Variants in DMXL2 observed in about 807,000 individuals in gnomAD.
DMXL2 encodes dmX-like protein 2.
In DMXL2, 103 loss-of-function variants were observed where a neutral mutation model predicts 331.1. The ratio of observed to expected loss-of-function variants is 0.31; its 90% CI spans 0.27 to 0.37. The LOEUF (loss-of-function observed/expected upper bound fraction) is 0.37, where lower values mean the gene tolerates loss of function less well. DMXL2 is among the 10% of genes least tolerant of loss of function. DMXL2 has a pLI of 1.00. For synonymous variants in DMXL2, 1,281 were observed against 1,252.1 expected (o/e 1.02, Z -0.49); for missense variants, 3,171 against 3,642.9 (o/e 0.87, Z 3.33).
intron 13 of DMXL2, among the ~76,000 whole-genome samples, chr15:51,519,289 TA>T (rs573978731): frequency 4.2e-4 from 64 of 152,170 alleles, no homozygotes; most frequent in African/African-American, 1.5e-3. Flanking sequence ...ACAAATTTTT[TA>T]ATTTTTTTGT....
At position 51,499,140 on chromosome 15, in the gene DMXL2, G is replaced by A. The variant is rs768632693; in HGVS notation, c.4084C>T (p.Arg1362Ter). ...TGAGAGAGAATGGCTTTAGCCCTTC[G>A]CACTTTCCCTAAATCCATCAATTCT... ...LLELMDLGKV[R>*]RAKAILSHLV... The change falls in exon 18 of 44, where the codon CGA becomes TGA. Residue 1362 changes from arginine (R) to a stop codon, truncating the protein, a stop_gained. Coordinates refer to ENST00000560891, the MANE Select transcript of DMXL2 (RefSeq NM_001378457.1). LOFTEE classifies it high-confidence loss of function. 1.9e-6 allele frequency: 3 copies of A among 1,613,916 alleles called. No individual in the cohort carries two copies. The highest frequency in any genetic ancestry group is 1.3e-5 in the African/African-American group (1 of 74,996).
intron 6 of DMXL2, among the ~76,000 whole-genome samples, chr15:51,554,059 A>T (rs908802006): frequency 6.6e-6 from 1 of 152,212 alleles, no homozygotes; most frequent in African/African-American, 2.4e-5. Context: ...ACGATATTTA[A>T]AAGGAGGCAA....
At position 51,536,160 on chromosome 15, in the gene DMXL2, A is replaced by C. The variant is rs376897241; in HGVS notation, c.2314+6T>G. 109 of 1,549,042 alleles carry C rather than the reference A, an allele frequency of 7.0e-5. No individual in the cohort carries two copies. In the African/African-American group the frequency reaches 1.3e-3, roughly 19 times the overall value. ...TGTTAATTTCACAATTACAATGAAC[A>C]CTTACCTAGACAGTAACTGGGAATG... On this transcript the variant is annotated splice_donor_region_variant and intron_variant, in intron 12 of 43. Transcript: ENST00000560891.
intron 42 of DMXL2, chr15:51,450,630 T>C: frequency 5.1e-6 from 2 of 392,206 alleles, no homozygotes; most frequent in South Asian, 4.5e-5. Context: ...ATAAAAAGTA[T>C]ACAGAAGAGC....
At position 51,499,710 on chromosome 15, in the gene DMXL2, C is replaced by A. The variant is rs2043446044; in HGVS notation, c.3514G>T (p.Asp1172Tyr). The change falls in exon 18 of 44, where the codon GAC (aspartate) becomes TAC (tyrosine). Residue 1172 changes from aspartate to tyrosine, a missense_variant. Asp to Tyr is a radical substitution (Grantham distance 160). Coordinates refer to ENST00000560891, the MANE Select transcript of DMXL2 (RefSeq NM_001378457.1). ...IPNIKHLVHL[D>Y]WVSKEDGSHI... ...GAGCCATCTTCTTTTGATACCCAGT[C>A]CAAATGTACTAAATGTTTGATATTC... The A allele has an allele frequency of 6.2e-7, 1 of 1,613,892 alleles. No homozygotes were observed. The highest frequency in any genetic ancestry group is 1.3e-5 in the African/African-American group (1 of 74,898).
chr15:51,559,782 A>G (rs1380799879), intron 6 of DMXL2, among the ~76,000 whole-genome samples: 1 of 152,160 alleles, frequency 6.6e-6, no homozygotes, highest in African/African-American at 2.4e-5. Flanking sequence ...CAAATTTACA[A>G]AAGTTTAAAA....
chr15:51,499,734 T>A lies in DMXL2; in HGVS notation c.3490A>T (p.Asn1164Tyr), dbSNP rs748359975. 1.5e-5 allele frequency: 25 copies of A among 1,614,008 alleles called. No homozygotes were observed. Among genetic ancestry groups the A allele is most frequent in the Admixed American group, 3.3e-5 (2 of 60,008 alleles). Residue 1164 changes from asparagine to tyrosine, a missense_variant, in exon 18 of 44, where the codon AAT becomes TAT. Asn to Tyr is a moderately radical substitution (Grantham distance 143, BLOSUM62 -2). This residue lies in a region of DMXL2 where 1,674 missense variants were observed against 1,780.2 expected (regional missense o/e 0.94). Transcript: ENST00000560891. ...LLSKDRYLIP[N>Y]IKHLVHLDWV... Reference sequence around the variant, plus strand: ...TCCAAATGTACTAAATGTTTGATATTCGGAATAAGATATCTATCCTTGCTC... The same window carrying A: ...TCCAAATGTACTAAATGTTTGATATACGGAATAAGATATCTATCCTTGCTC...
intron 12 of DMXL2, 66 bp from the exon 13 acceptor site, chr15:51,535,850 A>G (rs1032915938): frequency 7.3e-6 from 11 of 1,504,914 alleles, no homozygotes; most frequent in African/African-American, 1.4e-5. Context: ...TGGCTAAAGG[A>G]TAAGAAACAA....
chr15:51,535,827 G>A (rs1315356818), intron 12 of DMXL2, 43 bp from the exon 13 acceptor site: 16 of 1,551,272 alleles, frequency 1.0e-5, no homozygotes, highest in Non-Finnish European at 1.4e-5. Context: ...AACATGTAGT[G>A]TATTTTTCTT....
chr15:51,563,496 T>G (rs1249902039), intron 5 of DMXL2, 49 bp from the exon 6 acceptor site: 4 of 1,350,122 alleles, frequency 3.0e-6, no homozygotes, highest in Non-Finnish European at 4.1e-6. Flanking sequence ...TCTGGTGTAC[T>G]GTATATAAAA....
At chr15:51,526,054 G>GGGGGTGCT (rs1034321736) in intron 13 of DMXL2, among the ~76,000 whole-genome samples, 15 of 151,600 alleles carry the variant, frequency 9.9e-5, no homozygotes, top group African/African-American at 3.6e-4. Flanking sequence ...GATGGCCACA[G>GGGGGTGCT]GGGTGCTTGT....
chr15:51,587,440 C>T (rs1389017621), intron 1 of DMXL2, among the ~76,000 whole-genome samples: 2 of 151,958 alleles, frequency 1.3e-5, no homozygotes, highest in African/African-American at 2.4e-5. Context: ...GTCCTTGAGA[C>T]AGTTTGCTGA....
intron 39 of DMXL2, among the ~76,000 whole-genome samples, chr15:51,455,717 T>C (rs917051723): frequency 6.6e-6 from 1 of 152,198 alleles, no homozygotes; most frequent in African/African-American, 2.4e-5. Context: ...ACTGCTTACC[T>C]GTTTCACTGT....
chr15:51,533,580 A>T (rs1036228111), intron 13 of DMXL2, among the ~76,000 whole-genome samples: 1 of 152,228 alleles, frequency 6.6e-6, no homozygotes, highest in African/African-American at 2.4e-5. Context: ...CTTAATGTCT[A>T]CCTAGTACAA....
chr15:51,619,371 C>A (rs765402763), intron 1 of DMXL2, among the ~76,000 whole-genome samples: 1 of 152,154 alleles, frequency 6.6e-6, no homozygotes, highest in Non-Finnish European at 1.5e-5. Flanking sequence ...GCTACATTTA[C>A]GAAATCACAA....
Position 51,536,444 on chromosome 15 carries a change from A to G in DMXL2, c.2036T>C (p.Leu679Ser), listed in dbSNP as rs2140879175. Residue 679 changes from leucine (L) to serine (S), a missense_variant, in exon 12 of 44, where the codon TTA becomes TCA. Leu to Ser is a moderately radical substitution (Grantham distance 145, BLOSUM62 -2). Transcript: ENST00000560891. ...SHHNALLTPE[L>S]DCQWDSDNKL... Reference sequence around the variant, plus strand: ...ATTGTCTGAGTCCCACTGACAATCTAATTCAGGAGTCAATAGAGCATTATG... The same window carrying G: ...ATTGTCTGAGTCCCACTGACAATCTGATTCAGGAGTCAATAGAGCATTATG... 1 of 1,614,066 alleles carries G rather than the reference A, an allele frequency of 6.2e-7. No homozygotes were observed. The highest frequency in any genetic ancestry group is 8.5e-7 in the Non-Finnish European group (1 of 1,179,974).
At chr15:51,544,660 A>C (rs1348944457) in intron 8 of DMXL2, among the ~76,000 whole-genome samples, 3 of 152,170 alleles carry the variant, frequency 2.0e-5, no homozygotes, top group African/African-American at 7.2e-5. Flanking sequence ...TGCAACCTTT[A>C]AACTGTCAAT....
chr15:51,483,335 C>T (rs1256039740), intron 23 of DMXL2, among the ~76,000 whole-genome samples: 3 of 152,220 alleles, frequency 2.0e-5, no homozygotes, highest in Non-Finnish European at 4.4e-5. Flanking sequence ...ACCTCTCCAA[C>T]ACTGGGGACC....
At chr15:51,571,573 A>T (rs2050672081) in intron 2 of DMXL2, among the ~76,000 whole-genome samples, 1 of 152,234 alleles carries the variant, frequency 6.6e-6, no homozygotes, top group Non-Finnish European at 1.5e-5. Flanking sequence ...AATGGAAATC[A>T]TAACAAATAG....
Sources: gnomAD v4.1 joint callset for allele counts (sites outside exome capture counted in the v4.1 genomes callset) on GRCh38, gnomAD v4.1.1 for gene constraint, gnomAD v4.1.1 regional missense constraint, MANE v1.5 for transcripts, NCBI Gene and HGNC (gene_info 2026-07-23, HGNC 2026-07-21) for gene names.